DIAPH3: variants seen among roughly 807,000 people sequenced by gnomAD.
DIAPH3 encodes the protein protein diaphanous homolog 3.
A neutral mutation model predicts 144.3 loss-of-function variants in DIAPH3; 117 were observed. The observed-to-expected ratio is 0.81, with a 90% CI of 0.70 to 0.95. The LOEUF is 0.95. Among genes scored for constraint, DIAPH3 ranks in the 40% least tolerant of loss-of-function variants. The probability of loss-of-function intolerance (pLI) is 0.00; values close to 1 mark genes in which losing one functional copy is unlikely to be tolerated. For missense variants in DIAPH3, 1,421 were observed against 1,412.7 expected, an observed-to-expected ratio of 1.01 and a Z score of -0.09; for synonymous variants, 519 against 488.9, an observed-to-expected ratio of 1.06 and a Z score of -0.81.
intron 4 of DIAPH3, among the ~76,000 whole-genome samples, chr13:60,084,953 A>AT (rs200955854): frequency 1.1e-4 from 16 of 151,568 alleles, no homozygotes; most frequent in East Asian, 3.9e-4. Flanking sequence ...CCTATTAAGG[A>AT]TTTTTTTTTA....
intron 27 of DIAPH3, among the ~76,000 whole-genome samples, chr13:59,757,491 C>T (rs1251459084): frequency 3.3e-5 from 5 of 149,504 alleles, no homozygotes; most frequent in Admixed American, 1.3e-4. Context: ...AGCTCCGCCT[C>T]CCAGGTTCAC....
intron 2 of DIAPH3, among the ~76,000 whole-genome samples, chr13:60,131,433 C>T (rs139111624): frequency 8.8e-5 from 8 of 91,380 alleles, no homozygotes; most frequent in African/African-American, 4.0e-4. Flanking sequence ...GAGACCCTGT[C>T]TCAAAAAAAA....
At chr13:59,949,524 C>T (rs1456126458) in intron 17 of DIAPH3, among the ~76,000 whole-genome samples, 1 of 152,024 alleles carries the variant, frequency 6.6e-6, no homozygotes, top group African/African-American at 2.4e-5. Flanking sequence ...GGTCAGCAAA[C>T]TATAGCCCCA....
intron 27 of DIAPH3, among the ~76,000 whole-genome samples, chr13:59,683,196 T>C (rs2033036849): frequency 6.6e-6 from 1 of 152,200 alleles, no homozygotes; most frequent in Non-Finnish European, 1.5e-5. Flanking sequence ...CAGAGAGATT[T>C]GCTTATTACC....
At chr13:60,092,600 G>A (rs965343459) in intron 4 of DIAPH3, among the ~76,000 whole-genome samples, 18 of 152,020 alleles carry the variant, frequency 1.2e-4, no homozygotes, top group Non-Finnish European at 1.6e-4. Context: ...GCAGTGAGCC[G>A]AGATGGCGCC....
At chr13:59,864,755 A>G (rs2043814103) in intron 21 of DIAPH3, among the ~76,000 whole-genome samples, 1 of 152,068 alleles carries the variant, frequency 6.6e-6, no homozygotes, top group Non-Finnish European at 1.5e-5. Context: ...ATAAAGCTAA[A>G]CACTGATTTA....
At chr13:60,002,246 C>T (rs1400519390) in intron 9 of DIAPH3, among the ~76,000 whole-genome samples, 1 of 152,182 alleles carries the variant, frequency 6.6e-6, no homozygotes, top group Non-Finnish European at 1.5e-5. Context: ...TCAGACAGGA[C>T]TCATTCTGCT....
At chr13:60,112,337 A>G (rs2058591939) in intron 2 of DIAPH3, 151 bp from the exon 3 acceptor site, 1 of 933,736 alleles carries the variant, frequency 1.1e-6, no homozygotes, top group African/African-American at 1.7e-5. Context: ...AAAATTAATA[A>G]TAATAAAGAG....
At chr13:60,148,990 C>T (rs572579935) in intron 1 of DIAPH3, among the ~76,000 whole-genome samples, 2 of 152,222 alleles carry the variant, frequency 1.3e-5, no homozygotes, top group African/African-American at 2.4e-5. Context: ...AAAAATTTAC[C>T]GAATAAATGA....
At chr13:60,016,350 TTGCACAGGCTTG>T (rs1238191835) in intron 5 of DIAPH3, among the ~76,000 whole-genome samples, 1 of 152,206 alleles carries the variant, frequency 6.6e-6, no homozygotes, top group African/African-American at 2.4e-5. Flanking sequence ...TAAACTCCGC[TTGCACAGGCTTG>T]TAAGAGCAGA....
intron 25 of DIAPH3, among the ~76,000 whole-genome samples, chr13:59,794,827 T>A (rs899519124): frequency 3.9e-5 from 6 of 152,168 alleles, no homozygotes; most frequent in African/African-American, 1.4e-4. Context: ...ATATTCTTCT[T>A]TAAACATTTT....
chr13:60,059,195 T>G (rs2056674473), intron 4 of DIAPH3, among the ~76,000 whole-genome samples: 1 of 151,476 alleles, frequency 6.6e-6, no homozygotes. Flanking sequence ...AACTAATTTG[T>G]AGTGTTAGAA....
At chr13:60,014,988 T>C (rs2053540300) in intron 7 of DIAPH3, among the ~76,000 whole-genome samples, 1 of 151,642 alleles carries the variant, frequency 6.6e-6, no homozygotes, top group South Asian at 2.1e-4. Context: ...TGTTTTGTTT[T>C]GTTTTGTTTT....
intron 14 of DIAPH3, among the ~76,000 whole-genome samples, chr13:59,979,882 T>G (rs1438031637): frequency 1.3e-5 from 2 of 151,632 alleles, no homozygotes; most frequent in African/African-American, 4.8e-5. Context: ...AAAAACCACC[T>G]GAATAATTCA....
intron 25 of DIAPH3, among the ~76,000 whole-genome samples, chr13:59,797,876 A>G (rs188946727): frequency 2.0e-4 from 30 of 152,288 alleles, no homozygotes; most frequent in African/African-American, 5.1e-4. Context: ...AGTTGTCTTT[A>G]TTAACAAATT....
intron 22 of DIAPH3, among the ~76,000 whole-genome samples, chr13:59,850,559 C>A (rs2139847113): frequency 6.7e-6 from 1 of 150,302 alleles, no homozygotes; most frequent in South Asian, 2.1e-4. Context: ...AAGGCTTTTT[C>A]TGCATCTATT....
At chr13:60,153,106 T>G (rs563848589) in intron 1 of DIAPH3, among the ~76,000 whole-genome samples, 1 of 152,156 alleles carries the variant, frequency 6.6e-6, no homozygotes, top group Non-Finnish European at 1.5e-5. Flanking sequence ...TAAATACTTT[T>G]GTATTTACTA....
intron 17 of DIAPH3, among the ~76,000 whole-genome samples, chr13:59,966,600 A>G (rs530490464): frequency 8.5e-5 from 13 of 152,290 alleles, no homozygotes; most frequent in African/African-American, 3.1e-4. Context: ...CTGAAAACCT[A>G]AAGTAGTGTC....
rs1594815394 is a variant in DIAPH3 at position 60,163,884 on chromosome 13, C to T, written c.-118G>A. ...GGGTCCGCCACCCAAACAGTCAGCACAGCCTAGCCCAACCGCTGAAGTCGG... is the reference window on the plus strand; with the variant it reads ...GGGTCCGCCACCCAAACAGTCAGCATAGCCTAGCCCAACCGCTGAAGTCGG... On this transcript the variant is annotated 5_prime_UTR_variant, in exon 1 of 28. In the 5' UTR this introduces an upstream ATG that the reference lacks. Transcript: ENST00000400324. The T allele has an allele frequency of 7.8e-7, 1 of 1,283,052 alleles. No homozygotes were observed. Among genetic ancestry groups the T allele is most frequent in the Admixed American group, 2.6e-5 (1 of 38,574 alleles). 79.5% of individuals were successfully genotyped at this position (1,283,052 alleles called of 1,614,324 possible). A position where few individuals can be genotyped will look rare whatever the true frequency, so the allele number is the denominator to read the frequency against.
Sources: gnomAD v4.1 joint callset for allele counts (sites outside exome capture counted in the v4.1 genomes callset) on GRCh38, gnomAD v4.1.1 for gene constraint, MANE v1.5 for transcripts, NCBI Gene and HGNC (gene_info 2026-07-23, HGNC 2026-07-21) for gene names.